The following KCNJ15 variants were observed in gnomAD, a reference collection of about 807,000 sequenced individuals.
The protein encoded by KCNJ15 is potassium inwardly rectifying channel subfamily J member 15, also known as ATP-sensitive inward rectifier potassium channel 15.
In KCNJ15, 14 loss-of-function variants were observed where a neutral mutation model predicts 23.0. The ratio of observed to expected loss-of-function variants is 0.61; its 90% CI spans 0.40 to 0.95. The LOEUF (loss-of-function observed/expected upper bound fraction) is 0.95, where lower values mean the gene tolerates loss of function less well. Among genes scored for constraint, KCNJ15 ranks in the 40% least tolerant of loss-of-function variants. The pLI, the probability that KCNJ15 is intolerant of heterozygous loss-of-function variation, is 0.00. For missense variants in KCNJ15, 388 were observed against 461.8 expected (o/e 0.84, Z 1.46); for synonymous variants, 185 against 183.2 (o/e 1.01, Z -0.08).
At chr21:38,263,193 A>G (rs1981104432) in intron 1 of KCNJ15, among the ~76,000 whole-genome samples, 1 of 152,128 alleles carries the variant, frequency 6.6e-6, no homozygotes, top group Non-Finnish European at 1.5e-5. Flanking sequence ...CATTGCCAGC[A>G]GGACACACCT....
intron 1 of KCNJ15, among the ~76,000 whole-genome samples, chr21:38,289,115 T>G (rs1034088837): frequency 6.7e-6 from 1 of 149,662 alleles, no homozygotes; most frequent in African/African-American, 2.5e-5. Flanking sequence ...GAGAATCATT[T>G]GAACCCAGGA....
At chr21:38,248,689 GGAGAT>G (rs1488919277) in intron 1 of KCNJ15, among the ~76,000 whole-genome samples, 1 of 152,158 alleles carries the variant, frequency 6.6e-6, no homozygotes, top group Non-Finnish European at 1.5e-5. Context: ...AAACATGAGA[GGAGAT>G]GAGAACTCCT....
chr21:38,254,514 T>A (rs901260874), upstream of KCNJ15, among the ~76,000 whole-genome samples: 1 of 152,260 alleles, frequency 6.6e-6, no homozygotes, highest in Non-Finnish European at 1.5e-5. Flanking sequence ...TGTATGGTCC[T>A]GCAAGAACTA....
chr21:38,299,246 T>C lies in KCNJ15; in HGVS notation c.-16T>C, dbSNP rs200550791. ...AACATCTTTGTCATTTCTCTAAGTG[T>C]TTCCAGAGCCTGGCAATGGATGCCA... On this transcript the variant is annotated splice_region_variant and 5_prime_UTR_variant, in exon 3 of 3. Coordinates refer to ENST00000398938, the MANE Select transcript of KCNJ15 (RefSeq NM_170736.3). The surrounding 1 kb of genome is among the most constrained non-coding windows in gnomAD (Gnocchi z 4.5). The C allele has an allele frequency of 1.9e-6, 3 of 1,597,896 alleles. No individual in the cohort carries two copies. In the Admixed American group the frequency reaches 5.2e-5, roughly 28 times the overall value.
intron 1 of KCNJ15, among the ~76,000 whole-genome samples, chr21:38,288,305 T>G (rs1399901170): frequency 6.6e-6 from 1 of 152,086 alleles, no homozygotes; most frequent in Non-Finnish European, 1.5e-5. Flanking sequence ...CGTCCCAAAG[T>G]GCTGGGATTA....
intron 1 of KCNJ15, among the ~76,000 whole-genome samples, chr21:38,239,749 G>T (rs1463803764): frequency 3.3e-5 from 5 of 152,212 alleles, no homozygotes; most frequent in Non-Finnish European, 7.3e-5. Flanking sequence ...ACCACTCCTA[G>T]TGTGGAGAAG....
intron 1 of KCNJ15, among the ~76,000 whole-genome samples, chr21:38,271,959 C>T (rs747131881): frequency 5.4e-4 from 82 of 152,164 alleles, no homozygotes; most frequent in Non-Finnish European, 1.1e-3. Context: ...CCAAAACCTG[C>T]GATCCGGTGC....
chr21:38,272,180 T>G (rs1409852634), intron 1 of KCNJ15: 1 of 152,194 alleles, frequency 6.6e-6, no homozygotes, highest in Non-Finnish European at 1.5e-5. Flanking sequence ...CTTGGCAGTT[T>G]TTGTTGTCAA....
chr21:38,298,132 A>G (rs1296424633), intron 2 of KCNJ15: 5 of 152,214 alleles, frequency 3.3e-5, no homozygotes, highest in Non-Finnish European at 5.9e-5. Flanking sequence ...CACCCGCATT[A>G]TCTTTTTCAA....
At chr21:38,290,989 A>AG (rs11386775) in intron 1 of KCNJ15, among the ~76,000 whole-genome samples, 115,826 of 150,680 alleles carry the variant, frequency 0.77, 44,842 homozygotes, top group African/African-American at 0.86. Flanking sequence ...TGTCATAAAA[A>AG]GGCTAAACAC....
At position 38,302,539 on chromosome 21, in the gene KCNJ15, C is replaced by A. The variant is rs1271918833; in HGVS notation, c.*2150C>A. ...GGAAGGTTGCTTTAGATCTCCATTC[C>A]TTAAAAAAATATTACATGTCAGTGT... On this transcript the variant is annotated 3_prime_UTR_variant, in exon 3 of 3. Transcript: ENST00000398938. 6 of 336 alleles carry A rather than the reference C, an allele frequency of 0.018. No homozygotes were observed. The highest frequency in any genetic ancestry group is 0.041 in the African/African-American group (4 of 98). The allele number at this position is 336 out of a possible 1,614,324, so 0.0% of individuals were successfully genotyped here.
rs1470138240 is a variant in KCNJ15, at chr21:38,307,011, T to C, written c.*6622T>C. ...AGAACCACATCTGATCCTTATACAG[T>C]GTTGCAAGATATATGTCCTTGCTTT... On this transcript the variant is annotated 3_prime_UTR_variant, in exon 3 of 3. Transcript: ENST00000398938. 1 of 152,180 alleles carries C rather than the reference T, an allele frequency of 6.6e-6. No individual in the cohort carries two copies. Among genetic ancestry groups the C allele is most frequent in the Admixed American group, 6.5e-5 (1 of 15,282 alleles). 9.4% of individuals were successfully genotyped at this position (152,180 alleles called of 1,614,324 possible). A position where few individuals can be genotyped will look rare whatever the true frequency, so the allele number is the denominator to read the frequency against.
intron 1 of KCNJ15, among the ~76,000 whole-genome samples, chr21:38,276,257 A>C (rs1264077783): frequency 1.3e-5 from 2 of 152,074 alleles, no homozygotes; most frequent in African/African-American, 4.8e-5. Flanking sequence ...GTAGTATAAA[A>C]TGTTTGCTGA....
At chr21:38,252,988 C>T (rs1979936322), upstream of KCNJ15, among the ~76,000 whole-genome samples, 2 of 152,182 alleles carry the variant, frequency 1.3e-5, no homozygotes, top group Non-Finnish European at 2.9e-5. Context: ...AGCCAGAGCC[C>T]TTGGGAAATT....
At chr21:38,236,725 C>T (rs774668094) in intron 1 of KCNJ15, among the ~76,000 whole-genome samples, 5 of 152,186 alleles carry the variant, frequency 3.3e-5, no homozygotes, top group Non-Finnish European at 7.3e-5. Flanking sequence ...TTCCAGTGTC[C>T]CTTAGCTACA....
At chr21:38,261,122 A>AGGT (rs1568992686) in intron 1 of KCNJ15, among the ~76,000 whole-genome samples, 1 of 152,184 alleles carries the variant, frequency 6.6e-6, no homozygotes, top group Non-Finnish European at 1.5e-5. Flanking sequence ...CTGAGGACCC[A>AGGT]GGTGCCTGGG....
chr21:38,290,248 C>T (rs1450080048), intron 1 of KCNJ15, among the ~76,000 whole-genome samples: 3 of 151,834 alleles, frequency 2.0e-5, no homozygotes, highest in East Asian at 1.9e-4. Context: ...TTGTCTTTGT[C>T]GAGTACAGAA....
chr21:38,263,904 T>TACAC (rs58793003), intron 1 of KCNJ15, among the ~76,000 whole-genome samples: 141 of 150,262 alleles, frequency 9.4e-4, no homozygotes, highest in African/African-American at 3.1e-3. Flanking sequence ...CAAAGATACA[T>TACAC]ACACACACAC....
intron 1 of KCNJ15, among the ~76,000 whole-genome samples, chr21:38,248,045 C>A (rs1319831844): frequency 6.6e-6 from 1 of 152,206 alleles, no homozygotes; most frequent in Non-Finnish European, 1.5e-5. Flanking sequence ...TTCTACAATT[C>A]AAGTAAACAT....
Sources: gnomAD v4.1 joint callset for allele counts (sites outside exome capture counted in the v4.1 genomes callset) on GRCh38, gnomAD v4.1.1 for gene constraint, Gnocchi (gnomAD v3.1) non-coding constraint, MANE v1.5 for transcripts, NCBI Gene and HGNC (gene_info 2026-07-23, HGNC 2026-07-21) for gene names.